Variants in DUS1L observed in about 807,000 individuals in gnomAD.
DUS1L encodes tRNA-dihydrouridine(16/17) synthase [NAD(P)(+)]-like.
DUS1L carries 56 observed loss-of-function variants against 61.2 expected under a neutral mutation model. The observed-to-expected ratio is 0.92, with a 90% CI of 0.74 to 1.14. The LOEUF (loss-of-function observed/expected upper bound fraction) is 1.14, where lower values mean the gene tolerates loss of function less well. Among genes scored for constraint, DUS1L ranks in the 50% most tolerant of loss-of-function variants. The pLI, the probability that DUS1L is intolerant of heterozygous loss-of-function variation, is 0.00. For synonymous variants in DUS1L, 278 were observed against 259.5 expected, an observed-to-expected ratio of 1.07 and a Z score of -0.69; for missense variants, 630 against 632.4, an observed-to-expected ratio of 1.00 and a Z score of 0.04.
At position 82,065,720 on chromosome 17, in the gene DUS1L, G is replaced by T. The variant is rs2033738707; in HGVS notation, c.-118C>A. ...GGCCTCGCCGCCGCCCGGGGCCCCTGCAGCTCCCGGGGCGCCGCGAACGCC... is the reference window on the plus strand; with the variant it reads ...GGCCTCGCCGCCGCCCGGGGCCCCTTCAGCTCCCGGGGCGCCGCGAACGCC... On this transcript the variant is annotated 5_prime_UTR_variant, in exon 1 of 14. Coordinates refer to ENST00000306796, the MANE Select transcript of DUS1L (RefSeq NM_022156.5). 6.8e-6 allele frequency: 1 copy of T among 147,472 alleles called. No individual in the cohort carries two copies. The highest frequency in any genetic ancestry group is 2.4e-5 in the African/African-American group (1 of 40,858). The allele number at this position is 147,472 out of a possible 1,614,324, so 9.1% of individuals were successfully genotyped here.
rs904024846 is a variant in DUS1L at position 82,065,254 on chromosome 17, G to A, written c.-10-185C>T. 5.3e-6 allele frequency: 3 copies of A among 564,548 alleles called. No homozygotes were observed. The African/African-American group carries it at 5.7e-5, about 11-fold the overall frequency. 35.0% of individuals were successfully genotyped at this position (564,548 alleles called of 1,614,324 possible). A position where few individuals can be genotyped will look rare whatever the true frequency, so the allele number is the denominator to read the frequency against. On this transcript the variant is annotated intron_variant, in intron 1 of 13. Transcript: ENST00000306796. ...CACTCCAGTGCCGCCACCTCCTAGC[G>A]GACCTCGGGGGAGCCGCTGGACCCC...
In DUS1L at chr17:82,057,887, G is replaced by T; in HGVS notation, c.*228C>A. ...ACAGGCTGTGGGCTCTCGCATCTTTGAAATGATTTATTGTTCACTTTTGCA... is the reference window on the plus strand; with the variant it reads ...ACAGGCTGTGGGCTCTCGCATCTTTTAAATGATTTATTGTTCACTTTTGCA... On this transcript the variant is annotated 3_prime_UTR_variant, in exon 14 of 14. Coordinates refer to ENST00000306796, the MANE Select transcript of DUS1L (RefSeq NM_022156.5). The T allele has an allele frequency of 2.4e-6, 1 of 423,702 alleles. No individual in the cohort carries two copies. Among genetic ancestry groups the T allele is most frequent in the Non-Finnish European group, 4.1e-6 (1 of 244,472 alleles). 26.2% of individuals were successfully genotyped at this position (423,702 alleles called of 1,614,324 possible).
chr17:82,065,235 A>T lies in DUS1L; in HGVS notation c.-10-166T>A, dbSNP rs892478330. 15 of 598,610 alleles carry T rather than the reference A, an allele frequency of 2.5e-5. No individual in the cohort carries two copies. In the Middle Eastern group the frequency reaches 1.2e-3, roughly 48 times the overall value. 37.1% of individuals were successfully genotyped at this position (598,610 alleles called of 1,614,324 possible). A position where few individuals can be genotyped will look rare whatever the true frequency, so the allele number is the denominator to read the frequency against. ...GTGCAGGCTGGAGAACGGCCACTCC[A>T]GTGCCGCCACCTCCTAGCGGACCTC... On this transcript the variant is annotated intron_variant, in intron 1 of 13. Transcript: ENST00000306796.
At chr17:82,059,476 G>A (rs912145600) in intron 11 of DUS1L, 1 of 167,966 alleles carries the variant, frequency 6.0e-6, no homozygotes, top group Non-Finnish European at 1.3e-5. Flanking sequence ...GGCGACCAGG[G>A]GTCTCAGGGG....
chr17:82,061,083 A>G, intron 8 of DUS1L, 122 bp from the exon 9 acceptor site: 1 of 1,534,672 alleles, frequency 6.5e-7, no homozygotes, highest in Non-Finnish European at 8.8e-7. Context: ...AAGTCACCCC[A>G]GCCCCTCAAG....
chr17:82,064,261 G>A (rs373420979), intron 2 of DUS1L, 27 bp from the exon 3 acceptor site: 32 of 1,595,846 alleles, frequency 2.0e-5, no homozygotes, highest in South Asian at 3.3e-5. Context: ...AGTCAGCCAC[G>A]GGCCCAGCCA....
Position 82,057,844 on chromosome 17 carries a change from T to G in DUS1L, c.*271A>C. 3.0e-6 allele frequency: 1 copy of G among 336,754 alleles called. No homozygotes were observed. The allele number at this position is 336,754 out of a possible 1,614,324, so 20.9% of individuals were successfully genotyped here. A position where few individuals can be genotyped will look rare whatever the true frequency, so the allele number is the denominator to read the frequency against. On this transcript the variant is annotated 3_prime_UTR_variant, in exon 14 of 14. Coordinates refer to ENST00000306796, the MANE Select transcript of DUS1L (RefSeq NM_022156.5). ...CTGCCCCGGCTCATGCCTCCCTGGG[T>G]CTGAGAGGGCAGTGGTCACAGGCTG...
Position 82,057,876 on chromosome 17 carries a change from C to T in DUS1L, c.*239G>A, listed in dbSNP as rs1011764200. ...GGGCAGTGGTCACAGGCTGTGGGCT[C>T]TCGCATCTTTGAAATGATTTATTGT... On this transcript the variant is annotated 3_prime_UTR_variant, in exon 14 of 14. Transcript: ENST00000306796. 1 of 399,298 alleles carries T rather than the reference C, an allele frequency of 2.5e-6. No homozygotes were observed. The highest frequency in any genetic ancestry group is 4.4e-6 in the Non-Finnish European group (1 of 227,806). The allele number at this position is 399,298 out of a possible 1,614,324, so 24.7% of individuals were successfully genotyped here. A position where few individuals can be genotyped will look rare whatever the true frequency, so the allele number is the denominator to read the frequency against.
At chr17:82,059,917 T>C in intron 11 of DUS1L, 31 bp downstream of exon 11, 3 of 1,613,296 alleles carry the variant, frequency 1.9e-6, no homozygotes, top group Non-Finnish European at 2.5e-6. Context: ...GAAGAGGCTC[T>C]CTCGGGCCCA....
At chr17:82,059,760 G>A in intron 11 of DUS1L, 188 bp downstream of exon 11, 1 of 732,080 alleles carries the variant, frequency 1.4e-6, no homozygotes, top group Non-Finnish European at 2.3e-6. Context: ...CACGGGCTGT[G>A]GCCTGCACAG....
At chr17:82,060,320 C>T (rs1568086106) in intron 10 of DUS1L, 1 of 622,940 alleles carries the variant, frequency 1.6e-6, no homozygotes, top group South Asian at 2.1e-5. Flanking sequence ...CTCTGAACCA[C>T]CAGCTCCAGG....
chr17:82,059,772 G>T (rs2033373752), intron 11 of DUS1L, 176 bp downstream of exon 11: 2 of 827,300 alleles, frequency 2.4e-6, no homozygotes, highest in Non-Finnish European at 3.9e-6. Context: ...CCTGCACAGG[G>T]TCCCCGTTCT....
Position 82,059,983 on chromosome 17 carries a change from C to T in DUS1L, c.1133G>A (p.Arg378Lys). The T allele has an allele frequency of 6.2e-7, 1 of 1,614,000 alleles. No individual in the cohort carries two copies. Among genetic ancestry groups the T allele is most frequent in the Non-Finnish European group, 8.5e-7 (1 of 1,179,990 alleles). ...GGGGTCGAAGGTCTTGTGGGGGTTC[C>T]TCAGCTGCTTCTTTTGCTTGTTCTT... is the stretch of plus-strand genomic sequence containing the variant. ...LSKNKQKKQL[R>K]NPHKTFDPSL... Residue 378 changes from arginine to lysine, a missense_variant, in exon 11 of 14, where the codon AGG becomes AAG. Arg to Lys is a conservative substitution (Grantham distance 26). Transcript: ENST00000306796.
rs372985546 is a variant in DUS1L, at chr17:82,062,942, A to C, written c.429T>G (p.Pro143=). 1.4e-5 allele frequency: 22 copies of C among 1,612,884 alleles called. No individual in the cohort carries two copies. In the African/African-American group the frequency reaches 2.4e-4, roughly 18 times the overall value. ...GGAAGACACGGATTTTGCACGTGAC[A>C]GGAACAGAGAGTTTCTCGTGGGCCA... is the stretch of plus-strand genomic sequence containing the variant. The part of the protein sequence containing the change: ...ILLAHEKLSV[P]VTCKIRVFPE... The change falls in exon 5 of 14, where the codon CCT becomes CCG. Residue 143 remains proline (P), a synonymous_variant. Coordinates refer to ENST00000306796, the MANE Select transcript of DUS1L (RefSeq NM_022156.5).
intron 3 of DUS1L, among the ~76,000 whole-genome samples, chr17:82,063,843 A>C (rs960084491): frequency 5.9e-5 from 9 of 152,174 alleles, no homozygotes; most frequent in African/African-American, 1.7e-4. Flanking sequence ...AGCCCCACAC[A>C]CAGCAGTGCA....
chr17:82,058,901 C>T, intron 11 of DUS1L, 83 bp from the exon 12 acceptor site: 1 of 1,307,164 alleles, frequency 7.7e-7, no homozygotes, highest in Non-Finnish European at 1.1e-6. Flanking sequence ...CTGCACGGAG[C>T]CTGCTGATGG....
chr17:82,062,801 A>G (rs1233277273), intron 5 of DUS1L, 60 bp downstream of exon 5: 3 of 1,413,070 alleles, frequency 2.1e-6, no homozygotes, highest in Non-Finnish European at 3.0e-6. Context: ...AGCCTCAGCT[A>G]TGTCCTCTGC....
Position 82,061,336 on chromosome 17 carries a change from G to C in DUS1L, c.715C>G (p.Pro239Ala). Residue 239 changes from proline (P) to alanine (A), a missense_variant, in exon 8 of 14, where the codon CCC becomes GCC. Pro to Ala is a conservative substitution (Grantham distance 27, BLOSUM62 -1). Coordinates refer to ENST00000306796, the MANE Select transcript of DUS1L (RefSeq NM_022156.5). ...VMSAEGNLHN[P>A]ALFEGRSPAV... ...GGGCTCCGGCCCTCGAACAGGGCGG[G>C]GTTGTGCAGGTTGCCCTCTGTGGGA... 6.3e-7 allele frequency: 1 copy of C among 1,584,662 alleles called. No homozygotes were observed. Among genetic ancestry groups the C allele is most frequent in the Non-Finnish European group, 8.6e-7 (1 of 1,163,754 alleles).
chr17:82,058,393 C>T lies in DUS1L; in HGVS notation c.1230G>A (p.Leu410=), dbSNP rs1056890591. 4 of 1,493,548 alleles carry T rather than the reference C, an allele frequency of 2.7e-6. No homozygotes were observed. Among genetic ancestry groups the T allele is most frequent in the Non-Finnish European group, 3.6e-6 (4 of 1,119,764 alleles). 92.5% of individuals were successfully genotyped at this position (1,493,548 alleles called of 1,614,324 possible). A position where few individuals can be genotyped will look rare whatever the true frequency, so the allele number is the denominator to read the frequency against. The change falls in exon 13 of 14, where the codon CTG becomes CTA. Residue 410 remains leucine, a synonymous_variant. Transcript: ENST00000306796. Reference sequence around the variant, plus strand: ...CTCGCTTCTTGCAGCAGCCGCGGCACAGGCTGAACACACATCTGTTGCCCT... The same window carrying T: ...CTCGCTTCTTGCAGCAGCCGCGGCATAGGCTGAACACACATCTGTTGCCCT... The part of the protein sequence containing the change: ...NPKGNRCVFS[L]CRGCCKKRAS...
Sources: gnomAD v4.1 joint callset for allele counts (sites outside exome capture counted in the v4.1 genomes callset) on GRCh38, gnomAD v4.1.1 for gene constraint, MANE v1.5 for transcripts, NCBI Gene and HGNC (gene_info 2026-07-23, HGNC 2026-07-21) for gene names.